Variants in NSF observed in about 807,000 individuals in gnomAD.
The protein encoded by NSF is vesicle-fusing ATPase.
NSF carries 14 observed loss-of-function variants against 50.3 expected under a neutral mutation model. The ratio of observed to expected loss-of-function variants is 0.28; its 90% confidence interval spans 0.18 to 0.44. The LOEUF (loss-of-function observed/expected upper bound fraction) is 0.44. Ranked by LOEUF, NSF falls within the 20% of genes least tolerant of loss-of-function variation. The pLI is 1.00. For synonymous variants in NSF, 109 were observed against 175.7 expected (o/e 0.62, Z 3.00); for missense variants, 218 against 504.3 (o/e 0.43, Z 5.44).
chr17:46,712,482 T>C (rs1324244929), intron 14 of NSF, among the ~76,000 whole-genome samples: 1 of 152,228 alleles, frequency 6.6e-6, no homozygotes, highest in African/African-American at 2.4e-5. Context: ...TAAATGGTGC[T>C]GTTTACTAAG....
At chr17:46,729,971 A>G (rs1229653167) in intron 17 of NSF, among the ~76,000 whole-genome samples, 1 of 152,122 alleles carries the variant, frequency 6.6e-6, no homozygotes, top group Non-Finnish European at 1.5e-5. Context: ...ATAAACCATC[A>G]TTCCTAGTAA....
chr17:46,753,720 C>T (rs2059206469), intron 19 of NSF, among the ~76,000 whole-genome samples: 1 of 152,088 alleles, frequency 6.6e-6, no homozygotes, highest in South Asian at 2.1e-4. Flanking sequence ...GCTTCTTATG[C>T]ATGTGGGATA....
At chr17:46,729,389 T>C (rs2058926421) in intron 17 of NSF, among the ~76,000 whole-genome samples, 2 of 152,190 alleles carry the variant, frequency 1.3e-5, no homozygotes, top group Admixed American at 1.3e-4. Context: ...TAACAGATGA[T>C]CTTGAGTTAT....
At chr17:46,755,486 C>G (rs762386996) in intron 20 of NSF, 117 bp downstream of exon 20, 1 of 935,344 alleles carries the variant, frequency 1.1e-6, no homozygotes, top group South Asian at 1.4e-5. Context: ...TTGAATTCTT[C>G]GCTGTGTTGT....
At chr17:46,731,298 C>T (rs999937859) in intron 17 of NSF, among the ~76,000 whole-genome samples, 1 of 151,978 alleles carries the variant, frequency 6.6e-6, no homozygotes, top group Admixed American at 6.6e-5. Context: ...TCTATAAAGA[C>T]AGAAAATATA....
chr17:46,657,480 A>G (rs1439747731), intron 8 of NSF, among the ~76,000 whole-genome samples: 6 of 148,836 alleles, frequency 4.0e-5, no homozygotes, highest in African/African-American at 1.2e-4. Context: ...AAAAATGGGA[A>G]GATAGACTAG....
intron 3 of NSF, among the ~76,000 whole-genome samples, chr17:46,627,523 C>A (rs1239795996): frequency 1.5e-5 from 2 of 136,536 alleles, no homozygotes; most frequent in Admixed American, 7.5e-5. Context: ...CTGTCCCAGG[C>A]ACATCATACA....
chr17:46,729,008 TTAAA>T (rs1392199869), intron 17 of NSF, 74 bp downstream of exon 17: 15 of 910,662 alleles, frequency 1.6e-5, no homozygotes, highest in Non-Finnish European at 5.0e-6. Context: ...GATACAATCT[TTAAA>T]TAAGCAGGTT....
At chr17:46,610,076 C>CCTTT (rs2057999936) in intron 1 of NSF, among the ~76,000 whole-genome samples, 1 of 118,746 alleles carries the variant, frequency 8.4e-6, no homozygotes, top group Non-Finnish European at 1.9e-5. Context: ...TCCTTTCTTT[C>CCTTT]CTTCTTTCTT....
intron 15 of NSF, among the ~76,000 whole-genome samples, chr17:46,716,793 T>A (rs1489465704): frequency 6.6e-6 from 1 of 152,202 alleles, no homozygotes; most frequent in African/African-American, 2.4e-5. Context: ...CTCAGACACA[T>A]GTGTACACAT....
Position 46,749,880 on chromosome 17 carries a change from A to G in NSF, c.2016A>G (p.Thr672=), listed in dbSNP as rs2059165195. Residue 672 remains threonine (T), a synonymous_variant, in exon 18 of 21, where the codon ACA becomes ACG. Transcript: ENST00000398238. ...CCATCCACGTGCCCAACATTGCCAC[A>G]GGAGAGCAGCTGTTGGAAGCTTTGG... ...STTIHVPNIA[T]GEQLLEALEL... 2 of 1,614,000 alleles carry G rather than the reference A, an allele frequency of 1.2e-6. No homozygotes were observed. The highest frequency in any genetic ancestry group is 1.7e-6 in the Non-Finnish European group (2 of 1,180,000).
At chr17:46,716,179 C>A (rs1208936952) in intron 15 of NSF, among the ~76,000 whole-genome samples, 1 of 151,840 alleles carries the variant, frequency 6.6e-6, no homozygotes, top group African/African-American at 2.4e-5. Context: ...CTAAGTCTTC[C>A]AGGTTGTTTT....
In NSF at chr17:46,608,045, C is replaced by T. The variant is rs865896797; in HGVS notation, c.13-16199C>T. Among the ~76,000 whole-genome samples the T allele has an allele frequency of 1.6e-5, 2 of 124,424 alleles. 1 individual carries two copies. Among genetic ancestry groups the T allele is most frequent in the African/African-American group, 6.7e-5 (2 of 29,900 alleles). The allele number at this position is 124,424 out of a possible 152,430, so 81.6% of individuals were successfully genotyped here. A position where few individuals can be genotyped will look rare whatever the true frequency, so the allele number is the denominator to read the frequency against. On this transcript the variant is annotated intron_variant, in intron 1 of 20. Coordinates refer to ENST00000398238, the MANE Select transcript of NSF (RefSeq NM_006178.4). ...GTATTTGACAGCCAGGCACGGTGGC[C>T]CACACCTGTAATCCCAGCACTTTGG...
At position 46,610,041 on chromosome 17, in the gene NSF, CTCTT is replaced by C. The variant is rs1555666759; in HGVS notation, c.13-14180_13-14177del. Among the ~76,000 whole-genome samples the C allele has an allele frequency of 1.2e-3, 143 of 118,694 alleles. 5 individuals carry two copies. The East Asian group carries it at 0.013, about 11-fold the overall frequency. The allele number at this position is 118,694 out of a possible 152,430, so 77.9% of individuals were successfully genotyped here. ...TCTTTCTTTCTTTCTCTCTCTCTCT[CTCTT>C]TCTTTCTTTCTTTCTTTCTTTCCTT... On this transcript the variant is annotated intron_variant, in intron 1 of 20. Coordinates refer to ENST00000398238, the MANE Select transcript of NSF (RefSeq NM_006178.4).
At chr17:46,704,877 A>G (rs1598695945) in intron 13 of NSF, 23 bp downstream of exon 13, 1 of 1,579,244 alleles carries the variant, frequency 6.3e-7, no homozygotes, top group African/African-American at 1.4e-5. Flanking sequence ...ATTGAGTGAT[A>G]TATAGGCCAA....
At chr17:46,726,654 A>G (rs773457147) in intron 16 of NSF, 39 bp downstream of exon 16, 5 of 1,514,702 alleles carry the variant, frequency 3.3e-6, no homozygotes, top group Non-Finnish European at 4.6e-6. Context: ...TCTTTGCCAC[A>G]TTACAGCTAA....
rs1377046356 is a variant in NSF at position 46,755,357 on chromosome 17, GAGA to G, written c.2207_2209del (p.Glu736del). The G allele has an allele frequency of 3.1e-6, 5 of 1,613,346 alleles. No individual in the cohort carries two copies. Among genetic ancestry groups the G allele is most frequent in the East Asian group, 2.2e-5 (1 of 44,882 alleles). On this transcript the variant is annotated inframe_deletion, in exon 20 of 21. Transcript: ENST00000398238. ...GTGAGAAAATTCTTGGCCCTCTTAAGAGAAGAAGGAGCGTAAGTACATACAACA... is the reference window on the plus strand; with the variant it reads ...GTGAGAAAATTCTTGGCCCTCTTAAGAGAAGGAGCGTAAGTACATACAACA...
intron 17 of NSF, among the ~76,000 whole-genome samples, chr17:46,737,589 GT>G (rs2059020587): frequency 6.6e-6 from 1 of 151,850 alleles, no homozygotes; most frequent in Non-Finnish European, 1.5e-5. Context: ...GTGTGTGTGT[GT>G]GTGTGTGTGT....
intron 14 of NSF, among the ~76,000 whole-genome samples, chr17:46,712,470 G>T (rs367810965): frequency 6.6e-6 from 1 of 152,192 alleles, no homozygotes; most frequent in East Asian, 1.9e-4. Context: ...TACATAGCCC[G>T]ATAAATGGTG....
Sources: allele counts gnomAD v4.1 joint callset (sites outside exome capture counted in the v4.1 genomes callset), GRCh38; gene constraint gnomAD v4.1.1; transcripts MANE v1.5; gene names NCBI Gene and HGNC (gene_info 2026-07-23, HGNC 2026-07-21).